Variants in PTGS1 observed in about 807,000 individuals in gnomAD.
The protein encoded by PTGS1 is prostaglandin G/H synthase 1.
A neutral mutation model predicts 63.0 loss-of-function variants in PTGS1; 40 were observed. The observed-to-expected ratio is 0.63, with a 90% CI of 0.49 to 0.83. The LOEUF (loss-of-function observed/expected upper bound fraction) is 0.83. Ranked by LOEUF, PTGS1 falls within the 40% of genes least tolerant of loss-of-function variation. The pLI, the probability that PTGS1 is intolerant of heterozygous loss-of-function variation, is 0.00. For missense variants in PTGS1, 709 were observed against 786.5 expected, an observed-to-expected ratio of 0.90 and a Z score of 1.18; for synonymous variants, 298 against 301.9, an observed-to-expected ratio of 0.99 and a Z score of 0.13.
At position 122,386,534 on chromosome 9, in the gene PTGS1, C is replaced by A. The variant is rs201018159; in HGVS notation, c.1098C>A (p.Phe366Leu). 1 of 1,614,140 alleles carries A rather than the reference C, an allele frequency of 6.2e-7. No individual in the cohort carries two copies. Among genetic ancestry groups the A allele is most frequent in the Non-Finnish European group, 8.5e-7 (1 of 1,180,032 alleles). Residue 366 changes from phenylalanine (F) to leucine (L), a missense_variant, in exon 9 of 11, where the codon TTC (phenylalanine) becomes TTA (leucine). By Grantham distance (22) the Phe-to-Leu change is conservative. Transcript: ENST00000362012. ...LQLKFDPELLFGVQFQYRNRI... is the reference protein window; with the variant it reads ...LQLKFDPELLLGVQFQYRNRI... ...TGAAATTTGACCCAGAGCTGCTGTT[C>A]GGTGTCCAGTTCCAATACCGCAACC...
Position 122,378,564 on chromosome 9 carries a change from G to C in PTGS1, c.343G>C (p.Val115Leu). ...CATCCGAGAGATGCTCATGCGCCTG[G>C]TACTCACAGGTGGGTGTGGGGCAGG... ...TFIREMLMRL[V>L]LTVRSNLIPS... Residue 115 changes from valine to leucine, a missense_variant, in exon 4 of 11, where the codon GTA becomes CTA. Physicochemically the swap from Val to Leu is conservative, Grantham distance 32. Coordinates refer to ENST00000362012, the MANE Select transcript of PTGS1 (RefSeq NM_000962.4). 1 of 1,614,230 alleles carries C rather than the reference G, an allele frequency of 6.2e-7. No individual in the cohort carries two copies. The highest frequency in any genetic ancestry group is 2.2e-5 in the East Asian group (1 of 44,876).
intron 2 of PTGS1, among the ~76,000 whole-genome samples, chr9:122,375,867 G>T (rs1468745450): frequency 1.3e-5 from 2 of 152,162 alleles, no homozygotes; most frequent in African/African-American, 2.4e-5. Context: ...TGCTGTGGCA[G>T]GGATGGGGAA....
chr9:122,372,461 T>A (rs919269425), intron 2 of PTGS1: 2 of 152,336 alleles, frequency 1.3e-5, no homozygotes, highest in African/African-American at 4.8e-5. Flanking sequence ...GTTGTGGACA[T>A]CCACCTCTTT....
chr9:122,392,590 A>T lies in PTGS1; in HGVS notation c.*46A>T, dbSNP rs944674429. The T allele has an allele frequency of 2.6e-6, 4 of 1,554,724 alleles. No homozygotes were observed. Among genetic ancestry groups the T allele is most frequent in the African/African-American group, 2.7e-5 (2 of 73,496 alleles). On this transcript the variant is annotated 3_prime_UTR_variant, in exon 11 of 11. Transcript: ENST00000362012. ...TGGAGGGGAGAGCTTTGTGCTTGTC[A>T]TTCCAGAGTGCTGAGGCCAGGGCTG...
intron 2 of PTGS1, among the ~76,000 whole-genome samples, chr9:122,377,116 A>G (rs1025312217): frequency 1.3e-5 from 2 of 152,182 alleles, no homozygotes; most frequent in Non-Finnish European, 2.9e-5. Context: ...TGATTCCATC[A>G]GGAATGGGGG....
chr9:122,383,899 TC>T, intron 8 of PTGS1, 144 bp downstream of exon 8: 2 of 1,126,846 alleles, frequency 1.8e-6, no homozygotes, highest in South Asian at 3.2e-5. Context: ...AGCAGGCCCC[TC>T]AACCTCTGTG....
chr9:122,370,749 G>C, upstream of PTGS1: 2 of 548,948 alleles, frequency 3.6e-6, no homozygotes. Flanking sequence ...TCCATCCCCA[G>C]TTCTGTCCCT....
At chr9:122,372,374 G>A (rs146342562) in intron 2 of PTGS1, among the ~76,000 whole-genome samples, 57 of 152,312 alleles carry the variant, frequency 3.7e-4, no homozygotes, top group Admixed American at 2.3e-3. Flanking sequence ...AAGGGATTGC[G>A]TTGAATAAAA....
Position 122,381,369 on chromosome 9 carries a change from A to C in PTGS1, c.497-2A>C. On this transcript the variant is annotated splice_acceptor_variant, in intron 5 of 10. Coordinates refer to ENST00000362012, the MANE Select transcript of PTGS1 (RefSeq NM_000962.4). LOFTEE classifies it high-confidence loss of function. ...TACTGCTGTTTCCTACCCCCCAACC[A>C]GGGAAGAAGCAGTTGCCAGATGCCC... The C allele has an allele frequency of 3.1e-6, 5 of 1,613,756 alleles. No individual in the cohort carries two copies. The highest frequency in any genetic ancestry group is 4.2e-6 in the Non-Finnish European group (5 of 1,179,814).
intron 2 of PTGS1, 143 bp from the exon 3 acceptor site, chr9:122,377,755 AC>A: frequency 1.5e-6 from 1 of 683,456 alleles, no homozygotes; most frequent in South Asian, 1.8e-5. Flanking sequence ...CCTTGGGGGA[AC>A]CCTGAAGCCC....
Position 122,378,581 on chromosome 9 carries a change from T to C in PTGS1, c.352+8T>C. ...TGCGCCTGGTACTCACAGGTGGGTGTGGGGCAGGGCCCCCTGACCTGGGGG... is the reference window on the plus strand; with the variant it reads ...TGCGCCTGGTACTCACAGGTGGGTGCGGGGCAGGGCCCCCTGACCTGGGGG... On this transcript the variant is annotated splice_region_variant and intron_variant, in intron 4 of 10. Coordinates refer to ENST00000362012, the MANE Select transcript of PTGS1 (RefSeq NM_000962.4). 1 of 1,614,176 alleles carries C rather than the reference T, an allele frequency of 6.2e-7. No individual in the cohort carries two copies. Among genetic ancestry groups the C allele is most frequent in the Non-Finnish European group, 8.5e-7 (1 of 1,180,016 alleles).
At chr9:122,372,214 A>C (rs956505150) in intron 2 of PTGS1, among the ~76,000 whole-genome samples, 2 of 152,064 alleles carry the variant, frequency 1.3e-5, no homozygotes, top group African/African-American at 4.8e-5. Context: ...GGGAGTCCGC[A>C]CTTTCTGCTG....
At chr9:122,376,343 CT>C (rs1554719032) in intron 2 of PTGS1, among the ~76,000 whole-genome samples, 1 of 119,186 alleles carries the variant, frequency 8.4e-6, no homozygotes, top group Admixed American at 8.8e-5. Context: ...GTGGTCCTTG[CT>C]TGTGTGTGTG....
intron 8 of PTGS1, among the ~76,000 whole-genome samples, chr9:122,385,197 A>G (rs1471496724): frequency 6.6e-6 from 1 of 152,156 alleles, no homozygotes; most frequent in African/African-American, 2.4e-5. Context: ...ACCTCAGGTG[A>G]TCCACCCGCC....
intron 2 of PTGS1, among the ~76,000 whole-genome samples, chr9:122,375,617 G>A (rs1383649011): frequency 1.3e-5 from 2 of 152,210 alleles, no homozygotes; most frequent in African/African-American, 4.8e-5. Context: ...TTATGGTGGA[G>A]AAGAGCAGGT....
intron 9 of PTGS1, among the ~76,000 whole-genome samples, chr9:122,387,601 G>C (rs1837950910): frequency 2.0e-5 from 3 of 152,302 alleles, no homozygotes; most frequent in Admixed American, 1.3e-4. Context: ...AAGATGTAGG[G>C]AGAAGAAAGC....
At position 122,378,420 on chromosome 9, in the gene PTGS1, A is replaced by G. The variant is rs752811394; in HGVS notation, c.212-13A>G. 6 of 1,612,722 alleles carry G rather than the reference A, an allele frequency of 3.7e-6. No homozygotes were observed. Among genetic ancestry groups the G allele is most frequent in the Non-Finnish European group, 5.1e-6 (6 of 1,180,026 alleles). On this transcript the variant is annotated splice_polypyrimidine_tract_variant and intron_variant, in intron 3 of 10. Transcript: ENST00000362012. The stretch of plus-strand genomic sequence containing the variant: ...AGGAGGGACCAACTGAGTGACTGCC[A>G]TTGCCCCTGCAGCTGGCCTGTGGAC...
rs1440603985 is a variant in PTGS1 at position 122,378,535 on chromosome 9, C to T, written c.314C>T (p.Thr105Ile). 6.2e-7 allele frequency: 1 copy of T among 1,614,236 alleles called. No individual in the cohort carries two copies. Among genetic ancestry groups the T allele is most frequent in the Non-Finnish European group, 8.5e-7 (1 of 1,180,042 alleles). ...GRWFWEFVNATFIREMLMRLV... is the reference protein window; with the variant it reads ...GRWFWEFVNAIFIREMLMRLV... ...TGGTTCTGGGAGTTTGTCAATGCCA[C>T]CTTCATCCGAGAGATGCTCATGCGC... Residue 105 changes from threonine to isoleucine, a missense_variant, in exon 4 of 11, where the codon ACC (threonine) becomes ATC (isoleucine). Physicochemically the swap from Thr to Ile is moderately conservative, Grantham distance 89. Transcript: ENST00000362012.
intron 2 of PTGS1, among the ~76,000 whole-genome samples, chr9:122,377,186 G>C (rs778773065): frequency 2.6e-5 from 4 of 152,166 alleles, no homozygotes; most frequent in Non-Finnish European, 5.9e-5. Context: ...CTGTCCCCAG[G>C]GTTCTGGAAA....
Sources: gnomAD v4.1 joint callset for allele counts (sites outside exome capture counted in the v4.1 genomes callset) on GRCh38, gnomAD v4.1.1 for gene constraint, MANE v1.5 for transcripts, NCBI Gene and HGNC (gene_info 2026-07-23, HGNC 2026-07-21) for gene names.